BEND7: variants seen among roughly 807,000 people sequenced by gnomAD.
BEND7 encodes BEN domain containing 7, also known as BEN domain-containing protein 7.
A neutral mutation model predicts 50.9 loss-of-function variants in BEND7; 28 were observed. The ratio of observed to expected loss-of-function variants is 0.55; its 90% CI spans 0.41 to 0.75. The LOEUF is 0.75. BEND7 is among the 30% of genes least tolerant of loss of function. The probability of loss-of-function intolerance (pLI) is 0.00; values close to 1 mark genes in which losing one functional copy is unlikely to be tolerated. For missense variants in BEND7, 477 were observed against 491.3 expected (o/e 0.97, Z 0.28); for synonymous variants, 170 against 183.9 (o/e 0.92, Z 0.61).
At chr10:13,443,559 C>T (rs1294543128) in intron 8 of BEND7, 1 of 152,262 alleles carries the variant, frequency 6.6e-6, no homozygotes, top group African/African-American at 2.4e-5. Flanking sequence ...AAGTTTTTAG[C>T]CAAGGCTTTA....
In BEND7 at chr10:13,492,758, A is replaced by G; in HGVS notation, c.690T>C (p.Thr230=). Residue 230 remains threonine (T), a synonymous_variant, in exon 5 of 9, where the codon ACT becomes ACC. Coordinates refer to ENST00000466271, the MANE Select transcript of BEND7 (RefSeq NM_001369863.1). ...KVPPKTVEPL[T]VKQKPSGSEM... is the part of the protein sequence containing the mutation. ...CTGACCCACTGGGCTTCTGTTTCAC[A>G]GTAAGAGGTTCCACAGTCTTTGGGG... is the stretch of plus-strand genomic sequence containing the variant. The G allele has an allele frequency of 6.2e-7, 1 of 1,613,782 alleles. No homozygotes were observed. The highest frequency in any genetic ancestry group is 1.1e-5 in the South Asian group (1 of 91,026).
intron 6 of BEND7, among the ~76,000 whole-genome samples, 165 bp from the exon 7 acceptor site, chr10:13,452,823 A>T (rs1838064868): frequency 6.6e-6 from 1 of 152,190 alleles, no homozygotes; most frequent in Admixed American, 6.5e-5. Flanking sequence ...AAAGATGGAG[A>T]TTGACAGGTC....
chr10:13,466,479 A>C (rs942905540), intron 6 of BEND7, among the ~76,000 whole-genome samples: 2 of 152,012 alleles, frequency 1.3e-5, no homozygotes, highest in African/African-American at 4.8e-5. Context: ...GAATTGCTTG[A>C]GCCTGGAAGG....
chr10:13,441,866 C>A, intron 8 of BEND7, 116 bp from the exon 9 acceptor site: 1 of 1,050,398 alleles, frequency 9.5e-7, no homozygotes, highest in Non-Finnish European at 1.4e-6. Context: ...CTTGTAGCCC[C>A]CCAAAAGAAG....
intron 6 of BEND7, among the ~76,000 whole-genome samples, chr10:13,452,924 C>T (rs780791716): frequency 3.3e-4 from 51 of 152,330 alleles, no homozygotes; most frequent in South Asian, 1.0e-3. Context: ...ACTGGCTCCA[C>T]ATCCATGTGT....
At chr10:13,447,626 C>A (rs1454437279) in intron 7 of BEND7, among the ~76,000 whole-genome samples, 3 of 144,908 alleles carry the variant, frequency 2.1e-5, no homozygotes, top group African/African-American at 7.8e-5. Flanking sequence ...TCACTACAAG[C>A]TCCGCCTCCC....
intron 2 of BEND7, among the ~76,000 whole-genome samples, chr10:13,523,835 A>T (rs373521282): frequency 2.6e-5 from 4 of 152,182 alleles, no homozygotes; most frequent in African/African-American, 9.7e-5. Context: ...TTCTTAACTG[A>T]CCTAGAGATC....
intron 3 of BEND7, among the ~76,000 whole-genome samples, chr10:13,498,498 A>G (rs1275296516): frequency 6.6e-6 from 1 of 152,214 alleles, no homozygotes; most frequent in Non-Finnish European, 1.5e-5. Flanking sequence ...TATACTGGGA[A>G]ACAGAACACT....
At chr10:13,474,042 C>T (rs867544862) in intron 6 of BEND7, among the ~76,000 whole-genome samples, 12 of 151,708 alleles carry the variant, frequency 7.9e-5, no homozygotes, top group South Asian at 2.1e-4. Flanking sequence ...TATCCATTAT[C>T]GCTCTTAGAT....
At chr10:13,527,242 CAGAA>C (rs1319905986) in intron 1 of BEND7, among the ~76,000 whole-genome samples, 4 of 152,078 alleles carry the variant, frequency 2.6e-5, no homozygotes, top group Admixed American at 2.0e-4. Flanking sequence ...AAAATTTACT[CAGAA>C]AGTGGGAAGA....
At chr10:13,499,697 G>A in intron 3 of BEND7, 81 bp downstream of exon 3, 2 of 1,394,578 alleles carry the variant, frequency 1.4e-6, no homozygotes, top group Non-Finnish European at 9.5e-7. Flanking sequence ...TTAATAAATT[G>A]AACTCAACAC....
chr10:13,491,834 C>T (rs999163433), intron 5 of BEND7, among the ~76,000 whole-genome samples: 1 of 152,130 alleles, frequency 6.6e-6, no homozygotes, highest in African/African-American at 2.4e-5. Context: ...GCAGGATTCT[C>T]GTCCTATGCA....
intron 2 of BEND7, among the ~76,000 whole-genome samples, chr10:13,504,064 T>A (rs909991977): frequency 5.9e-5 from 9 of 152,092 alleles, no homozygotes; most frequent in Non-Finnish European, 1.3e-4. Flanking sequence ...TCCTTGCACA[T>A]TTGGGGCAGG....
At chr10:13,500,933 C>T (rs2077399567) in intron 2 of BEND7, 1 of 695,490 alleles carries the variant, frequency 1.4e-6, no homozygotes, top group African/African-American at 1.9e-5. Flanking sequence ...AGGTCACAGG[C>T]CACTTTGAAA....
chr10:13,490,849 G>T (rs760375317), intron 5 of BEND7, among the ~76,000 whole-genome samples: 5 of 152,082 alleles, frequency 3.3e-5, no homozygotes, highest in Non-Finnish European at 5.9e-5. Context: ...TGTCACCCAG[G>T]TTGGAGTGCA....
At chr10:13,498,071 C>CTTTTTTTTTTTT (rs67255529) in intron 3 of BEND7, among the ~76,000 whole-genome samples, 1 of 109,870 alleles carries the variant, frequency 9.1e-6, no homozygotes, top group Non-Finnish European at 1.8e-5. Context: ...ATTTCTTTTT[C>CTTTTTTTTTTTT]TTTTTTTTTT....
At chr10:13,465,510 CTGT>C (rs769824530) in intron 6 of BEND7, among the ~76,000 whole-genome samples, 7 of 152,088 alleles carry the variant, frequency 4.6e-5, no homozygotes, top group Non-Finnish European at 1.0e-4. Flanking sequence ...CTCTATGGGG[CTGT>C]TATTTTCAGC....
intron 6 of BEND7, among the ~76,000 whole-genome samples, chr10:13,472,180 C>T (rs1363910448): frequency 4.0e-5 from 6 of 151,736 alleles, no homozygotes; most frequent in African/African-American, 9.7e-5. Flanking sequence ...CTGTTACACT[C>T]AGGGCCGATA....
chr10:13,448,062 T>C (rs1295713610), intron 7 of BEND7, among the ~76,000 whole-genome samples: 2 of 152,186 alleles, frequency 1.3e-5, no homozygotes, highest in African/African-American at 4.8e-5. Context: ...AACTCTGGCA[T>C]TAACGTGGTC....
Sources: allele counts gnomAD v4.1 joint callset (sites outside exome capture counted in the v4.1 genomes callset), GRCh38; gene constraint gnomAD v4.1.1; transcripts MANE v1.5; gene names NCBI Gene and HGNC (gene_info 2026-07-23, HGNC 2026-07-21).